DPYD: variants seen among roughly 807,000 people sequenced by gnomAD.
The protein encoded by DPYD is dihydropyrimidine dehydrogenase, also known as dihydropyrimidine dehydrogenase [NADP(+)].
Under a neutral mutation model 116.2 loss-of-function variants are expected in DPYD, and 109 were observed. That is an observed-to-expected ratio of 0.94 (90% CI 0.80 to 1.10). The LOEUF (loss-of-function observed/expected upper bound fraction) is 1.10, where lower values mean the gene tolerates loss of function less well. DPYD is among the 50% of genes least tolerant of loss of function. The pLI, the probability that DPYD is intolerant of heterozygous loss-of-function variation, is 0.00. For synonymous variants in DPYD, 440 were observed against 432.0 expected, an observed-to-expected ratio of 1.02 and a Z score of -0.23; for missense variants, 1,302 against 1,254.5, an observed-to-expected ratio of 1.04 and a Z score of -0.57.
At chr1:97,207,823 T>A (rs1382389537) in intron 19 of DPYD, among the ~76,000 whole-genome samples, 1 of 152,144 alleles carries the variant, frequency 6.6e-6, no homozygotes, top group Non-Finnish European at 1.5e-5. Flanking sequence ...CCAATAGAGG[T>A]CAGTCCAGCA....
At chr1:97,264,690 T>C (rs190265463) in intron 18 of DPYD, among the ~76,000 whole-genome samples, 1 of 152,156 alleles carries the variant, frequency 6.6e-6, no homozygotes, top group African/African-American at 2.4e-5. Flanking sequence ...ACAATTACCA[T>C]ATTTTATAGA....
intron 4 of DPYD, among the ~76,000 whole-genome samples, chr1:97,737,976 T>C (rs1302666962): frequency 1.3e-5 from 2 of 152,160 alleles, no homozygotes; most frequent in African/African-American, 4.8e-5. Flanking sequence ...ATAGTATACA[T>C]TTATTTATCT....
chr1:97,571,445 T>G (rs935447723), intron 11 of DPYD, among the ~76,000 whole-genome samples: 3 of 151,906 alleles, frequency 2.0e-5, no homozygotes, highest in African/African-American at 7.2e-5. Flanking sequence ...ATTCTTAACA[T>G]TATCAATCAT....
intron 14 of DPYD, among the ~76,000 whole-genome samples, chr1:97,402,298 A>G (rs922953365): frequency 4.6e-5 from 7 of 152,128 alleles, no homozygotes; most frequent in Admixed American, 2.0e-4. Flanking sequence ...GATTTTGTCC[A>G]TCAGAGTTTT....
chr1:97,535,193 C>T (rs1274257285), intron 12 of DPYD, among the ~76,000 whole-genome samples: 2 of 152,136 alleles, frequency 1.3e-5, no homozygotes, highest in Non-Finnish European at 2.9e-5. Context: ...TGATCCTTTA[C>T]AGCTTGTTTG....
chr1:97,132,227 C>T (rs1653395186), intron 20 of DPYD, among the ~76,000 whole-genome samples: 1 of 152,184 alleles, frequency 6.6e-6, no homozygotes, highest in African/African-American at 2.4e-5. Context: ...CTTTCACCAA[C>T]AGGAACATCG....
chr1:97,381,775 T>C (rs1024976384), intron 15 of DPYD, among the ~76,000 whole-genome samples: 2 of 152,096 alleles, frequency 1.3e-5, no homozygotes, highest in Non-Finnish European at 2.9e-5. Context: ...TGGACATAAG[T>C]GTATAATTTT....
In DPYD at chr1:97,699,530, A is replaced by G; in HGVS notation, c.501T>C (p.Ser167=). 1 of 1,613,494 alleles carries G rather than the reference A, an allele frequency of 6.2e-7. No individual in the cohort carries two copies. The highest frequency in any genetic ancestry group is 2.2e-5 in the East Asian group (1 of 44,866). ...GCGAAGGATTTCTGATCTGTGGGATACTCATTGCTTTGAATACCTACGGGG... is the reference window on the plus strand; with the variant it reads ...GCGAAGGATTTCTGATCTGTGGGATGCTCATTGCTTTGAATACCTACGGGG... The part of the protein sequence containing the change: ...QFATEVFKAM[S]IPQIRNPSLP... Residue 167 remains serine, a synonymous_variant, in exon 6 of 23, where the codon AGT becomes AGC. Transcript: ENST00000370192.
chr1:97,840,160 A>T (rs1466804841), intron 2 of DPYD, among the ~76,000 whole-genome samples: 1 of 152,190 alleles, frequency 6.6e-6, no homozygotes, highest in Non-Finnish European at 1.5e-5. Flanking sequence ...GTGGATTTTT[A>T]GAGGAAAATG....
At chr1:97,594,612 C>T (rs1188765233) in intron 9 of DPYD, among the ~76,000 whole-genome samples, 1 of 152,110 alleles carries the variant, frequency 6.6e-6, no homozygotes, top group Non-Finnish European at 1.5e-5. Flanking sequence ...GGTGGTTCTT[C>T]TTGGGGTGTA....
At chr1:97,370,711 T>C (rs952899095) in intron 16 of DPYD, among the ~76,000 whole-genome samples, 2 of 152,152 alleles carry the variant, frequency 1.3e-5, no homozygotes, top group Admixed American at 6.6e-5. Context: ...TAACAGAAAA[T>C]TAAAGCTTAA....
intron 19 of DPYD, among the ~76,000 whole-genome samples, chr1:97,216,575 C>T (rs187358661): frequency 1.3e-5 from 2 of 152,066 alleles, no homozygotes; most frequent in Non-Finnish European, 2.9e-5. Context: ...AGGCAAATCA[C>T]TTGAGGTCAG....
At chr1:97,402,281 C>A (rs766291247) in intron 14 of DPYD, among the ~76,000 whole-genome samples, 2 of 152,028 alleles carry the variant, frequency 1.3e-5, no homozygotes, top group Admixed American at 6.6e-5. Context: ...TTATTTAGTT[C>A]TTGTTTGATT....
intron 3 of DPYD, among the ~76,000 whole-genome samples, chr1:97,813,025 A>G (rs566474531): frequency 6.6e-6 from 1 of 152,284 alleles, no homozygotes; most frequent in African/African-American, 2.4e-5. Context: ...GCCAAAGAAC[A>G]ATAGACTTTC....
intron 8 of DPYD, among the ~76,000 whole-genome samples, chr1:97,662,015 T>A (rs954494727): frequency 1.0e-4 from 15 of 142,930 alleles, no homozygotes; most frequent in African/African-American, 1.1e-4. Context: ...TTTTTTTTTT[T>A]ACGGAGTCTC....
chr1:97,242,477 G>T (rs114290232), intron 18 of DPYD, among the ~76,000 whole-genome samples: 1,553 of 151,502 alleles, frequency 0.01, 34 homozygotes, highest in African/African-American at 0.036. Flanking sequence ...TAGTATGTGT[G>T]CATGTAAATG....
chr1:97,205,848 T>C (rs950679340), intron 19 of DPYD, among the ~76,000 whole-genome samples: 7 of 152,024 alleles, frequency 4.6e-5, no homozygotes, highest in South Asian at 2.1e-4. Context: ...TTCTTTCCTC[T>C]AACCCTTGCA....
intron 14 of DPYD, among the ~76,000 whole-genome samples, chr1:97,427,881 T>A (rs532475923): frequency 6.6e-6 from 1 of 152,120 alleles, no homozygotes; most frequent in East Asian, 1.9e-4. Flanking sequence ...TAAAATGGAG[T>A]AGGGAATAGA....
chr1:97,402,090 T>G (rs1438309087), intron 14 of DPYD, among the ~76,000 whole-genome samples: 1 of 152,120 alleles, frequency 6.6e-6, no homozygotes, highest in Admixed American at 6.6e-5. Flanking sequence ...CCTTCAATAT[T>G]GTGTTAGCTA....
Sources: allele counts gnomAD v4.1 joint callset (sites outside exome capture counted in the v4.1 genomes callset), GRCh38; gene constraint gnomAD v4.1.1; transcripts MANE v1.5; gene names NCBI Gene and HGNC (gene_info 2026-07-23, HGNC 2026-07-21).